Variants in ACTR2 observed in about 807,000 individuals in gnomAD.
ACTR2 encodes the protein actin-related protein 2.
In ACTR2, 5 loss-of-function variants were observed where a neutral mutation model predicts 50.2. The observed-to-expected ratio is 0.10, with a 90% CI of 0.05 to 0.21. The LOEUF (loss-of-function observed/expected upper bound fraction) is 0.21, where lower values mean the gene tolerates loss of function less well. ACTR2 is among the 10% of genes least tolerant of loss of function. ACTR2 has a pLI of 1.00. For synonymous variants in ACTR2, 140 were observed against 162.9 expected, an observed-to-expected ratio of 0.86 and a Z score of 1.07; for missense variants, 180 against 480.6, an observed-to-expected ratio of 0.37 and a Z score of 5.85.
chr2:65,268,354 A>G (rs1267755366), intron 8 of ACTR2, among the ~76,000 whole-genome samples: 1 of 152,142 alleles, frequency 6.6e-6, no homozygotes, highest in Non-Finnish European at 1.5e-5. Context: ...GACTGTTCCA[A>G]GCATGCTGGG....
At chr2:65,255,721 A>G in intron 6 of ACTR2, 27 bp downstream of exon 6, 1 of 1,582,620 alleles carries the variant, frequency 6.3e-7, no homozygotes. Context: ...TATAATATAT[A>G]TGTGTTTTAA....
At chr2:65,247,432 C>G (rs1671960090) in intron 3 of ACTR2, among the ~76,000 whole-genome samples, 1 of 151,710 alleles carries the variant, frequency 6.6e-6, no homozygotes, top group Non-Finnish European at 1.5e-5. Context: ...ACTAAAAATA[C>G]AAAAAATTAG....
chr2:65,230,983 G>A (rs1671626973), intron 1 of ACTR2, among the ~76,000 whole-genome samples: 1 of 151,778 alleles, frequency 6.6e-6, no homozygotes, highest in Non-Finnish European at 1.5e-5. Context: ...GTACCTGGGA[G>A]GCAGAGGTTG....
At chr2:65,267,662 G>A (rs1672398886) in intron 8 of ACTR2, among the ~76,000 whole-genome samples, 1 of 151,828 alleles carries the variant, frequency 6.6e-6, no homozygotes, top group Non-Finnish European at 1.5e-5. Context: ...CTTTAATTTT[G>A]GTTACTGTGT....
At chr2:65,236,166 C>A (rs140810846) in intron 1 of ACTR2, among the ~76,000 whole-genome samples, 25 of 152,126 alleles carry the variant, frequency 1.6e-4, no homozygotes, top group African/African-American at 2.6e-4. Context: ...TGGTGAAACC[C>A]CGTCTCTACT....
At chr2:65,262,765 T>A (rs1672293168) in intron 7 of ACTR2, among the ~76,000 whole-genome samples, 2 of 152,082 alleles carry the variant, frequency 1.3e-5, no homozygotes, top group East Asian at 3.9e-4. Context: ...AAGACCAGCC[T>A]GGGCAACATA....
chr2:65,252,570 A>G (rs1311623105), intron 4 of ACTR2, among the ~76,000 whole-genome samples: 2 of 152,082 alleles, frequency 1.3e-5, no homozygotes, highest in South Asian at 4.1e-4. Flanking sequence ...GCTTGAACCC[A>G]GGAGGCAGAG....
intron 1 of ACTR2, among the ~76,000 whole-genome samples, chr2:65,237,174 A>G (rs922170484): frequency 2.0e-5 from 3 of 152,208 alleles, no homozygotes; most frequent in African/African-American, 7.2e-5. Flanking sequence ...GACTATGATT[A>G]CATTTCCTTT....
intron 1 of ACTR2, among the ~76,000 whole-genome samples, chr2:65,234,313 G>C (rs13424622): frequency 1.3e-5 from 2 of 151,974 alleles, no homozygotes; most frequent in African/African-American, 4.8e-5. Flanking sequence ...TATATACCCT[G>C]TATGAAAACT....
Position 65,268,856 on chromosome 2 carries a change from C to G in ACTR2, c.*122C>G. ...CTCTCTGCCCTTTGACTGGAAAGGTCAAGTTTTATTCTGGTGTCTTGGGGA... is the reference window on the plus strand; with the variant it reads ...CTCTCTGCCCTTTGACTGGAAAGGTGAAGTTTTATTCTGGTGTCTTGGGGA... On this transcript the variant is annotated 3_prime_UTR_variant, in exon 9 of 9. Coordinates refer to ENST00000260641, the MANE Select transcript of ACTR2 (RefSeq NM_005722.4). The G allele has an allele frequency of 9.1e-7, 1 of 1,102,412 alleles. No homozygotes were observed. The highest frequency in any genetic ancestry group is 1.6e-5 in the South Asian group (1 of 62,146). The allele number at this position is 1,102,412 out of a possible 1,614,324, so 68.3% of individuals were successfully genotyped here.
intron 6 of ACTR2, among the ~76,000 whole-genome samples, chr2:65,259,513 G>C (rs143654179): frequency 0.017 from 2,566 of 152,176 alleles, 26 homozygotes; most frequent in Admixed American, 0.032. Flanking sequence ...CAGATCACTT[G>C]AGGCCAGGAG....
chr2:65,227,842 A>G lies in ACTR2; in HGVS notation c.-68A>G. On this transcript the variant is annotated 5_prime_UTR_variant, in exon 1 of 9. Coordinates refer to ENST00000260641, the MANE Select transcript of ACTR2 (RefSeq NM_005722.4). ...GGGGCCGGGAAGACGCAAGAGGAAG[A>G]AGAGAAAACGGCCGGGCGGCGGTGG... 6.8e-7 allele frequency: 1 copy of G among 1,477,088 alleles called. No homozygotes were observed. The highest frequency in any genetic ancestry group is 3.0e-5 in the East Asian group (1 of 33,758). The allele number at this position is 1,477,088 out of a possible 1,614,324, so 91.5% of individuals were successfully genotyped here.
At chr2:65,259,736 A>T (rs978204756) in intron 6 of ACTR2, among the ~76,000 whole-genome samples, 1 of 152,208 alleles carries the variant, frequency 6.6e-6, no homozygotes, top group East Asian at 1.9e-4. Flanking sequence ...CTCAAAAAAA[A>T]ATTAAATTAT....
rs543877235 is a variant in ACTR2, at chr2:65,270,595, G to A, written c.*1861G>A. 3.9e-5 allele frequency: 6 copies of A among 152,534 alleles called. No individual in the cohort carries two copies. The East Asian group carries it at 1.2e-3, about 29-fold the overall frequency. The allele number at this position is 152,534 out of a possible 1,614,324, so 9.4% of individuals were successfully genotyped here. On this transcript the variant is annotated 3_prime_UTR_variant, in exon 9 of 9. Coordinates refer to ENST00000260641, the MANE Select transcript of ACTR2 (RefSeq NM_005722.4). ...CAGTTGGGTTCAGGGAAATGGGATTGACTTGGCCTTCAGGCTCCTTTGGTC... is the reference window on the plus strand; with the variant it reads ...CAGTTGGGTTCAGGGAAATGGGATTAACTTGGCCTTCAGGCTCCTTTGGTC...
At chr2:65,258,474 A>G (rs989848878) in intron 6 of ACTR2, among the ~76,000 whole-genome samples, 1 of 152,018 alleles carries the variant, frequency 6.6e-6, no homozygotes, top group Non-Finnish European at 1.5e-5. Context: ...GCTAGTTGAG[A>G]GGTTGAGGTG....
At chr2:65,251,803 G>A (rs1253231425) in intron 4 of ACTR2, among the ~76,000 whole-genome samples, 1 of 152,190 alleles carries the variant, frequency 6.6e-6, no homozygotes, top group Non-Finnish European at 1.5e-5. Flanking sequence ...AAACATTTGG[G>A]AGTGCATTTC....
rs17855452 is a variant in ACTR2, at chr2:65,246,564, T to C, written c.200T>C (p.Met67Thr). The stretch of plus-strand genomic sequence containing the variant: ...GATGAGGCAAGTGAATTACGATCAA[T>C]GTTAGAAGTTAACTACCCTATGGAA... ...VGDEASELRS[M>T]LEVNYPMENG... The change falls in exon 3 of 9, where the codon ATG (methionine) becomes ACG (threonine). Residue 67 changes from methionine (M) to threonine (T), a missense_variant. By Grantham distance (81) the Met-to-Thr change is moderately conservative. Coordinates refer to ENST00000260641, the MANE Select transcript of ACTR2 (RefSeq NM_005722.4). 7 of 1,613,158 alleles carry C rather than the reference T, an allele frequency of 4.3e-6. No homozygotes were observed. The highest frequency in any genetic ancestry group is 5.9e-6 in the Non-Finnish European group (7 of 1,179,664).
chr2:65,242,259 T>A (rs1443780211), intron 2 of ACTR2, among the ~76,000 whole-genome samples: 1 of 152,218 alleles, frequency 6.6e-6, no homozygotes, highest in African/African-American at 2.4e-5. Context: ...CCTGATTGCG[T>A]ACAATGGACC....
At chr2:65,235,816 A>T (rs1420563070) in intron 1 of ACTR2, among the ~76,000 whole-genome samples, 1 of 152,192 alleles carries the variant, frequency 6.6e-6, no homozygotes, top group Admixed American at 6.5e-5. Context: ...GGATAGCTGT[A>T]CCTGAAAAAT....
Sources: gnomAD v4.1 joint callset for allele counts (sites outside exome capture counted in the v4.1 genomes callset) on GRCh38, gnomAD v4.1.1 for gene constraint, MANE v1.5 for transcripts, NCBI Gene and HGNC (gene_info 2026-07-23, HGNC 2026-07-21) for gene names.